The following AMMECR1 variants were observed in gnomAD, a reference collection of about 807,000 sequenced individuals.
AMMECR1 encodes AMMECR nuclear protein 1.
In AMMECR1, 3 loss-of-function variants were observed where a neutral mutation model predicts 22.5. The observed-to-expected ratio is 0.13, with a 90% CI of 0.06 to 0.35. AMMECR1 has a LOEUF of 0.35. AMMECR1 is among the 10% of genes least tolerant of loss of function. AMMECR1 has a pLI of 1.00. For synonymous variants in AMMECR1, 130 were observed against 116.7 expected (o/e 1.11, Z -0.74); for missense variants, 235 against 278.7 (o/e 0.84, Z 1.12).
intron 1 of AMMECR1, among the ~76,000 whole-genome samples, chrX:110,296,755 G>A (rs2067938255): frequency 9.0e-6 from 1 of 110,506 alleles, no homozygotes; most frequent in Non-Finnish European, 1.9e-5. Flanking sequence ...TATTTGGTGA[G>A]ACATCATTCT....
At chrX:110,257,951 A>T (rs915797040) in intron 2 of AMMECR1, among the ~76,000 whole-genome samples, 1 of 111,733 alleles carries the variant, frequency 8.9e-6, no homozygotes, top group Admixed American at 9.5e-5. Flanking sequence ...AGATAGATGT[A>T]AAAATAGGGT....
intron 2 of AMMECR1, among the ~76,000 whole-genome samples, chrX:110,232,138 C>G (rs1261762244): frequency 1.8e-5 from 2 of 111,075 alleles, no homozygotes; most frequent in African/African-American, 6.6e-5. Context: ...ATACCCAGGA[C>G]CTGAATTTGA....
At chrX:110,349,261 T>C in intron 2 of AMMECR1, among the ~76,000 whole-genome samples, 1 of 111,971 alleles carries the variant, frequency 8.9e-6, no homozygotes, top group Middle Eastern at 4.6e-3. Context: ...GGCTGCTATA[T>C]CAAGAATACC....
chrX:110,281,897 T>C (rs752492451), intron 1 of AMMECR1, among the ~76,000 whole-genome samples: 1 of 112,455 alleles, frequency 8.9e-6, no homozygotes, highest in Non-Finnish European at 1.9e-5. Context: ...AAAACAGAGG[T>C]TGTCTTTTTG....
At chrX:110,387,652 G>A (rs761915809) in intron 2 of AMMECR1, among the ~76,000 whole-genome samples, 6 of 111,708 alleles carry the variant, frequency 5.4e-5, no homozygotes, top group Non-Finnish European at 1.1e-4. Context: ...AACCCACAGA[G>A]AATTTGACTT....
rs190511024 is a variant in AMMECR1 at position 110,409,810 on chromosome X, C to A, written c.-148+16848G>T. Among the ~76,000 whole-genome samples the A allele has an allele frequency of 2.7e-5, 3 of 111,561 alleles. No individual in the cohort carries two copies. The Admixed American group carries it at 2.8e-4, about 11-fold the overall frequency. ...CCCACTTAGCAAGAAGGGCAGGGGG[C>A]AGCACCTCACTTAGAGATATGGTAC... On this transcript the variant is annotated intron_variant, in intron 2 of 7. Transcript: ENST00000372057.
At chrX:110,365,746 T>C (rs1343795740) in intron 2 of AMMECR1, among the ~76,000 whole-genome samples, 1 of 111,978 alleles carries the variant, frequency 8.9e-6, no homozygotes, top group Non-Finnish European at 1.9e-5. Flanking sequence ...TGGTTGCTCA[T>C]GATCTTTCTG....
At chrX:110,318,375 G>C (rs2068064946), upstream of AMMECR1, 1 of 111,958 alleles carries the variant, frequency 8.9e-6, no homozygotes, top group Admixed American at 9.4e-5. Context: ...GAGGTTGGAA[G>C]ACAGGAAGCC....
At chrX:110,428,612 C>T (rs2068771754) in intron 1 of AMMECR1, among the ~76,000 whole-genome samples, 1 of 111,234 alleles carries the variant, frequency 9.0e-6, no homozygotes, top group African/African-American at 3.3e-5. Flanking sequence ...CCCCCCTCTC[C>T]AAGATGTGGC....
intron 2 of AMMECR1, among the ~76,000 whole-genome samples, chrX:110,394,431 T>G (rs949546631): frequency 8.9e-6 from 1 of 112,033 alleles, no homozygotes; most frequent in African/African-American, 3.2e-5. Context: ...TTTTGTATTT[T>G]TAGTAGAGAC....
intron 1 of AMMECR1, among the ~76,000 whole-genome samples, chrX:110,265,125 T>C (rs956089680): frequency 8.9e-6 from 1 of 111,909 alleles, no homozygotes; most frequent in African/African-American, 3.2e-5. Context: ...GCTACAAGGA[T>C]GCCTAAAACA....
At chrX:110,399,924 T>C (rs892299077) in intron 2 of AMMECR1, among the ~76,000 whole-genome samples, 7 of 112,073 alleles carry the variant, frequency 6.2e-5, no homozygotes, top group African/African-American at 2.3e-4. Context: ...GGTGAGTTAA[T>C]TAGAATTATG....
At chrX:110,326,524 C>T (rs1359223357) in intron 2 of AMMECR1, among the ~76,000 whole-genome samples, 2 of 111,373 alleles carry the variant, frequency 1.8e-5, no homozygotes, top group Non-Finnish European at 3.8e-5. Context: ...TCTTTTATGA[C>T]CTAGCTTATG....
intron 3 of AMMECR1, among the ~76,000 whole-genome samples, chrX:110,212,282 C>T (rs919615843): frequency 8.9e-6 from 1 of 111,841 alleles, no homozygotes; most frequent in African/African-American, 3.3e-5. Flanking sequence ...TACCACTGAT[C>T]GTGGTCACGT....
Position 110,198,096 on chromosome X carries a change from C to T in AMMECR1, c.*424G>A, listed in dbSNP as rs1329578769. 1 of 111,985 alleles carries T rather than the reference C, an allele frequency of 8.9e-6. No homozygotes were observed. Among genetic ancestry groups the T allele is most frequent in the Non-Finnish European group, 1.9e-5 (1 of 53,894 alleles). 9.2% of individuals were successfully genotyped at this position (111,985 alleles called of 1,213,427 possible). ...CGAACCTAAGTAAAATCCCTAAAAA[C>T]TGCACACTTTCTTCCATCCACAGTC... is the stretch of plus-strand genomic sequence containing the variant. On this transcript the variant is annotated 3_prime_UTR_variant, in exon 6 of 6. Coordinates refer to ENST00000262844, the MANE Select transcript of AMMECR1 (RefSeq NM_015365.3).
intron 2 of AMMECR1, among the ~76,000 whole-genome samples, chrX:110,253,148 G>A (rs1293275571): frequency 8.9e-6 from 1 of 112,455 alleles, no homozygotes; most frequent in Non-Finnish European, 1.9e-5. Context: ...GTGGGAAGAG[G>A]GGAGTAGGAG....
chrX:110,266,810 G>C (rs1490555222), intron 1 of AMMECR1, among the ~76,000 whole-genome samples: 2 of 109,848 alleles, frequency 1.8e-5, no homozygotes, highest in African/African-American at 6.7e-5. Context: ...ACCTACATTA[G>C]GTATTTATCC....
rs1476582577 is a variant in AMMECR1 at position 110,201,091 on chromosome X, G to A, written c.791-41C>T. On this transcript the variant is annotated intron_variant, in intron 4 of 5. Transcript: ENST00000262844. The stretch of plus-strand genomic sequence containing the variant: ...CAGATAAAATATCAGTCAAGCACAT[G>A]TAACAAACACCTTTCATTAAATACA... 3 of 877,798 alleles carry A rather than the reference G, an allele frequency of 3.4e-6. No individual in the cohort carries two copies. In the African/African-American group the frequency reaches 6.0e-5, roughly 17 times the overall value. 72.3% of individuals were successfully genotyped at this position (877,798 alleles called of 1,213,427 possible). A position where few individuals can be genotyped will look rare whatever the true frequency, so the allele number is the denominator to read the frequency against.
chrX:110,384,973 TGTGCAGAGAAG>T (rs956936519), intron 2 of AMMECR1, among the ~76,000 whole-genome samples: 4 of 111,011 alleles, frequency 3.6e-5, no homozygotes, highest in Non-Finnish European at 5.7e-5. Context: ...AGCCCAAGTC[TGTGCAGAGAAG>T]ACACTTTGAA....
Sources: gnomAD v4.1 joint callset for allele counts (sites outside exome capture counted in the v4.1 genomes callset) on GRCh38, gnomAD v4.1.1 for gene constraint, MANE v1.5 for transcripts, NCBI Gene and HGNC (gene_info 2026-07-23, HGNC 2026-07-21) for gene names.